Variants in GABBR2 observed in about 807,000 individuals in gnomAD.
GABBR2 encodes the protein gamma-aminobutyric acid type B receptor subunit 2, also known as G-protein coupled receptor 51.
GABBR2 carries 23 observed loss-of-function variants against 105.6 expected under a neutral mutation model. The observed-to-expected ratio is 0.22, with a 90% CI of 0.16 to 0.31. GABBR2 has a LOEUF of 0.31. Among genes scored for constraint, GABBR2 ranks in the 10% least tolerant of loss-of-function variants. The probability of loss-of-function intolerance (pLI) is 1.00; values close to 1 mark genes in which losing one functional copy is unlikely to be tolerated. For missense variants in GABBR2, 734 were observed against 1,245.5 expected (o/e 0.59, Z 6.18); for synonymous variants, 478 against 499.7 (o/e 0.96, Z 0.58).
At chr9:98,675,880 G>A (rs1830471021) in intron 1 of GABBR2, among the ~76,000 whole-genome samples, 1 of 152,204 alleles carries the variant, frequency 6.6e-6, no homozygotes, top group African/African-American at 2.4e-5. Context: ...GAGCATCTGT[G>A]TGGCAGGCAT....
At chr9:98,317,334 A>G (rs1217430009) in intron 13 of GABBR2, among the ~76,000 whole-genome samples, 2 of 152,170 alleles carry the variant, frequency 1.3e-5, no homozygotes, top group African/African-American at 4.8e-5. Flanking sequence ...CGGCAAAAGG[A>G]GAGCAGCTGG....
chr9:98,561,949 C>A (rs978692898), intron 2 of GABBR2, among the ~76,000 whole-genome samples: 9 of 152,060 alleles, frequency 5.9e-5, no homozygotes, highest in African/African-American at 2.2e-4. Flanking sequence ...AGGCAAGCAT[C>A]ATAAATTGAT....
chr9:98,642,892 A>G (rs1245871367), intron 1 of GABBR2, among the ~76,000 whole-genome samples: 1 of 152,068 alleles, frequency 6.6e-6, no homozygotes, highest in African/African-American at 2.4e-5. Flanking sequence ...CTGTTTCATC[A>G]CCATAGTTTC....
chr9:98,311,250 C>T (rs750339186), intron 13 of GABBR2, 45 bp from the exon 14 acceptor site: 42 of 1,176,532 alleles, frequency 3.6e-5, no homozygotes, highest in Middle Eastern at 3.9e-4. Context: ...ACAGGACACT[C>T]TTCCAGCAAC....
At chr9:98,307,764 T>C (rs1830573728) in intron 14 of GABBR2, among the ~76,000 whole-genome samples, 1 of 152,182 alleles carries the variant, frequency 6.6e-6, no homozygotes, top group Admixed American at 6.5e-5. Flanking sequence ...AATGGGAGGA[T>C]GGATGTCAAA....
intron 4 of GABBR2, among the ~76,000 whole-genome samples, chr9:98,490,996 CTT>C (rs200970691): frequency 6.9e-6 from 1 of 144,380 alleles, no homozygotes; most frequent in Admixed American, 6.9e-5. Context: ...GTGCTCTTGC[CTT>C]TTTTTTTTTG....
intron 3 of GABBR2, among the ~76,000 whole-genome samples, chr9:98,537,830 G>A (rs1828211963): frequency 6.6e-6 from 1 of 152,188 alleles, no homozygotes; most frequent in South Asian, 2.1e-4. Context: ...GCTATTAAAA[G>A]TGAAGAAAAG....
chr9:98,556,078 G>A (rs543179104), intron 2 of GABBR2, among the ~76,000 whole-genome samples: 2 of 152,182 alleles, frequency 1.3e-5, no homozygotes, highest in Non-Finnish European at 2.9e-5. Context: ...AACTCACCCA[G>A]TTGTCACACA....
intron 13 of GABBR2, among the ~76,000 whole-genome samples, chr9:98,343,998 A>G (rs1831260891): frequency 6.6e-6 from 1 of 152,180 alleles, no homozygotes; most frequent in Non-Finnish European, 1.5e-5. Context: ...TTCCTCCTTG[A>G]AACACTTTCT....
intron 7 of GABBR2, among the ~76,000 whole-genome samples, chr9:98,428,777 G>C (rs531290763): frequency 6.6e-6 from 1 of 152,220 alleles, no homozygotes; most frequent in East Asian, 1.9e-4. Flanking sequence ...TTTTTTGCTG[G>C]ACTTGGTGCT....
intron 16 of GABBR2, 127 bp from the exon 17 acceptor site, chr9:98,299,480 G>A: frequency 2.1e-6 from 2 of 955,106 alleles, no homozygotes; most frequent in East Asian, 2.4e-5. Context: ...GAGAATCAGA[G>A]GGGTTACTGC....
intron 16 of GABBR2, among the ~76,000 whole-genome samples, chr9:98,301,900 C>A (rs1170757830): frequency 6.6e-6 from 1 of 152,164 alleles, no homozygotes; most frequent in Admixed American, 6.5e-5. Flanking sequence ...GGTGCACAGA[C>A]AACTGTATGG....
intron 12 of GABBR2, among the ~76,000 whole-genome samples, chr9:98,363,098 G>C (rs1181600254): frequency 6.6e-6 from 1 of 152,160 alleles, no homozygotes; most frequent in Non-Finnish European, 1.5e-5. Flanking sequence ...CCCTGGCCGA[G>C]CTGTGATTTT....
At chr9:98,708,268 G>T in intron 1 of GABBR2, 149 bp downstream of exon 1, 1 of 753,548 alleles carries the variant, frequency 1.3e-6, no homozygotes, top group Non-Finnish European at 1.9e-6. Context: ...GGACCGCGGG[G>T]GTGAACACTG....
intron 2 of GABBR2, among the ~76,000 whole-genome samples, chr9:98,543,790 C>A (rs981650821): frequency 6.6e-6 from 1 of 151,642 alleles, no homozygotes; most frequent in Admixed American, 6.6e-5. Flanking sequence ...GAAAATTAGC[C>A]CTTTATGATA....
At chr9:98,658,597 C>A (rs1482498117) in intron 1 of GABBR2, among the ~76,000 whole-genome samples, 4 of 152,210 alleles carry the variant, frequency 2.6e-5, no homozygotes, top group Non-Finnish European at 5.9e-5. Context: ...AAAGACCAGT[C>A]CTTATTCAAT....
rs549907193 is a variant in GABBR2 at position 98,547,384 on chromosome 9, C to T, written c.460-5341G>A. Among the ~76,000 whole-genome samples, 335 of 115,760 alleles carry T rather than the reference C, an allele frequency of 2.9e-3. 61 individuals are homozygous for T. Among genetic ancestry groups the T allele is most frequent in the African/African-American group, 7.9e-3 (288 of 36,592 alleles). 75.9% of individuals were successfully genotyped at this position (115,760 alleles called of 152,430 possible). A position where few individuals can be genotyped will look rare whatever the true frequency, so the allele number is the denominator to read the frequency against. On this transcript the variant is annotated intron_variant, in intron 2 of 18. Coordinates refer to ENST00000259455, the MANE Select transcript of GABBR2 (RefSeq NM_005458.8). ...CATTTATAATATTGTATATATTATA[C>T]ATAATAAATATAGCATATGTAGTAT... is the stretch of plus-strand genomic sequence containing the variant.
At position 98,406,085 on chromosome 9, in the gene GABBR2, A is replaced by G; in HGVS notation, c.1293T>C (p.Phe431=). ...ERMGTIKFTQ[F]QDSREVKVGE... Reference sequence around the variant, plus strand: ...AATAAGCATCAAAATGCCTACCTTGAAATTGAGTAAATTTAATGGTCCCCA... The same window carrying G: ...AATAAGCATCAAAATGCCTACCTTGGAATTGAGTAAATTTAATGGTCCCCA... Residue 431 remains phenylalanine (F), a synonymous_variant, in exon 8 of 19, where the codon TTT becomes TTC. Coordinates refer to ENST00000259455, the MANE Select transcript of GABBR2 (RefSeq NM_005458.8). 1.3e-6 allele frequency: 2 copies of G among 1,549,630 alleles called. No homozygotes were observed. The highest frequency in any genetic ancestry group is 2.3e-5 in the South Asian group (2 of 87,406).
At chr9:98,705,670 C>T (rs569972141) in intron 1 of GABBR2, among the ~76,000 whole-genome samples, 2 of 152,346 alleles carry the variant, frequency 1.3e-5, no homozygotes, top group East Asian at 1.9e-4. Context: ...TTCTTTAGAT[C>T]GCTCTAGATT....
Sources: allele counts gnomAD v4.1 joint callset (sites outside exome capture counted in the v4.1 genomes callset), GRCh38; gene constraint gnomAD v4.1.1; transcripts MANE v1.5; gene names NCBI Gene and HGNC (gene_info 2026-07-23, HGNC 2026-07-21).